The following TET2 variants were observed in gnomAD, a reference collection of about 807,000 sequenced individuals.
TET2 encodes the protein tet methylcytosine dioxygenase 2, also known as methylcytosine dioxygenase TET2.
A neutral mutation model predicts 142.9 loss-of-function variants in TET2; 299 were observed. That is an observed-to-expected ratio of 2.09 (90% confidence interval 1.90 to 2.30). TET2 has a LOEUF of 2.30. Ranked by LOEUF, TET2 falls within the 30% of genes most tolerant of loss-of-function variation. The probability of loss-of-function intolerance (pLI) is 0.00; values close to 1 mark genes in which losing one functional copy is unlikely to be tolerated. For synonymous variants in TET2, 819 were observed against 849.0 expected (o/e 0.96, Z 0.61); for missense variants, 2,418 against 2,378.0 (o/e 1.02, Z -0.35).
rs1560563568 is a variant in TET2 at position 105,259,695 on chromosome 4, T to A, written c.3880T>A (p.Tyr1294Asn). The A allele has an allele frequency of 6.4e-7, 1 of 1,551,232 alleles. No homozygotes were observed. Among genetic ancestry groups the A allele is most frequent in the Non-Finnish European group, 8.7e-7 (1 of 1,146,624 alleles). ...CTCTTTTGGTTGTTCATGGAGCATGTACTACAATGGATGTAAGTTTGCCAG... is the reference window on the plus strand; with the variant it reads ...CTCTTTTGGTTGTTCATGGAGCATGAACTACAATGGATGTAAGTTTGCCAG... ...SFSFGCSWSMYYNGCKFARSK... is the reference protein window; with the variant it reads ...SFSFGCSWSMNYNGCKFARSK... Residue 1294 changes from tyrosine to asparagine, a missense_variant, in exon 7 of 11, where the codon TAC becomes AAC. Tyr to Asn is a moderately radical substitution (Grantham distance 143). Coordinates refer to ENST00000380013, the MANE Select transcript of TET2 (RefSeq NM_001127208.3).
chr4:105,182,767 T>C lies in TET2; in HGVS notation c.-192-7593T>C, dbSNP rs1242887331. 7.2e-5 allele frequency among the ~76,000 whole-genome samples: 11 copies of C among 152,276 alleles called. No homozygotes were observed. The East Asian group carries it at 2.1e-3, about 29-fold the overall frequency. On this transcript the variant is annotated intron_variant, in intron 1 of 10. Transcript: ENST00000380013. Reference sequence around the variant, plus strand: ...ATCAAATGTCAGCAGCTTTATACTATAGTGTAAAATTTTATTTTGTAGTTT... The same window carrying C: ...ATCAAATGTCAGCAGCTTTATACTACAGTGTAAAATTTTATTTTGTAGTTT...
intron 1 of TET2, among the ~76,000 whole-genome samples, chr4:105,165,114 C>T (rs998778683): frequency 4.6e-5 from 7 of 152,116 alleles, no homozygotes; most frequent in African/African-American, 1.7e-4. Flanking sequence ...GTGGCTCAGA[C>T]CTGTAATTCC....
intron 2 of TET2, among the ~76,000 whole-genome samples, chr4:105,195,648 G>C (rs961479853): frequency 6.6e-6 from 1 of 152,102 alleles, no homozygotes; most frequent in African/African-American, 2.4e-5. Context: ...TTATTACACT[G>C]TATTGTTTAG....
At chr4:105,193,884 C>T (rs1418512313) in intron 2 of TET2, among the ~76,000 whole-genome samples, 2 of 152,094 alleles carry the variant, frequency 1.3e-5, no homozygotes, top group African/African-American at 4.8e-5. Flanking sequence ...CCGTGTAATA[C>T]TAACATAGTA....
rs1465596088 is a variant in TET2, at chr4:105,277,178, T to TATCA, written c.*660_*663dup. ...TAATGCCTTTATATCATCAAGATGC[T>TATCA]ATCAGTGTACTCCAGTGCCCTTGAA... On this transcript the variant is annotated 3_prime_UTR_variant, in exon 11 of 11. Coordinates refer to ENST00000380013, the MANE Select transcript of TET2 (RefSeq NM_001127208.3). The TATCA allele has an allele frequency of 8.7e-6, 2 of 230,094 alleles. No individual in the cohort carries two copies. The highest frequency in any genetic ancestry group is 4.4e-5 in the African/African-American group (2 of 45,198). The allele number at this position is 230,094 out of a possible 1,614,324, so 14.3% of individuals were successfully genotyped here.
Position 105,278,230 on chromosome 4 carries a change from A to G in TET2, c.*1711A>G, listed in dbSNP as rs1322259204. The G allele has an allele frequency of 5.8e-6, 1 of 173,020 alleles. No individual in the cohort carries two copies. Among genetic ancestry groups the G allele is most frequent in the Admixed American group, 6.7e-5 (1 of 14,926 alleles). 10.7% of individuals were successfully genotyped at this position (173,020 alleles called of 1,614,324 possible). A position where few individuals can be genotyped will look rare whatever the true frequency, so the allele number is the denominator to read the frequency against. ...AGTTTGAAGCAGAATTCACATCATG[A>G]TGGTGCTACTCAGCCTGCTACAAAT... On this transcript the variant is annotated 3_prime_UTR_variant, in exon 11 of 11. Coordinates refer to ENST00000380013, the MANE Select transcript of TET2 (RefSeq NM_001127208.3).
intron 8 of TET2, among the ~76,000 whole-genome samples, chr4:105,263,156 A>T (rs994447702): frequency 1.3e-5 from 2 of 152,204 alleles, no homozygotes; most frequent in Admixed American, 6.6e-5. Context: ...AAAAAAATTT[A>T]AAAACAAAAC....
chr4:105,150,921 C>T (rs538641476), intron 1 of TET2, among the ~76,000 whole-genome samples: 1 of 152,294 alleles, frequency 6.6e-6, no homozygotes, highest in African/African-American at 2.4e-5. Flanking sequence ...TCTGCTATTT[C>T]CAGCATTATT....
At chr4:105,242,279 T>G (rs1300716918) in intron 4 of TET2, 3 of 1,081,838 alleles carry the variant, frequency 2.8e-6, no homozygotes, top group Non-Finnish European at 3.4e-6. Context: ...TTTTTGTTGT[T>G]TTTTTGTTTT....
Position 105,261,813 on chromosome 4 carries a change from T to C in TET2, c.4009T>C (p.Tyr1337His). 2 of 1,549,396 alleles carry C rather than the reference T, an allele frequency of 1.3e-6. No homozygotes were observed. Among genetic ancestry groups the C allele is most frequent in the Non-Finnish European group, 1.7e-6 (2 of 1,145,556 alleles). ...CCTGTCCACTCTTATGGCACCAACATATAAGAAACTTGCACCTGATGCATA... is the reference window on the plus strand; with the variant it reads ...CCTGTCCACTCTTATGGCACCAACACATAAGAAACTTGCACCTGATGCATA... The part of the protein sequence containing the change: ...QNLSTLMAPT[Y>H]KKLAPDAYNN... Residue 1337 changes from tyrosine to histidine, a missense_variant, in exon 8 of 11, where the codon TAT becomes CAT. Tyr to His is a moderately conservative substitution (Grantham distance 83). Transcript: ENST00000380013.
chr4:105,236,909 A>AT lies in TET2; in HGVS notation c.2967_2968insT (p.His990SerfsTer19). ...TTAAGGTGGAACCTGGATGCAAGCC[A>AT]CATGCCTGTATGCACACAGCACCAC... On this transcript the variant is annotated frameshift_variant, in exon 3 of 11. Coordinates refer to ENST00000380013, the MANE Select transcript of TET2 (RefSeq NM_001127208.3). LOFTEE classifies it high-confidence loss of function. The AT allele has an allele frequency of 6.2e-7, 1 of 1,614,168 alleles. No individual in the cohort carries two copies. The highest frequency in any genetic ancestry group is 8.5e-7 in the Non-Finnish European group (1 of 1,180,026).
chr4:105,183,737 C>T (rs1725258726), intron 1 of TET2, among the ~76,000 whole-genome samples: 1 of 152,118 alleles, frequency 6.6e-6, no homozygotes, highest in South Asian at 2.1e-4. Flanking sequence ...AACCTAGCTC[C>T]CAATAGAATT....
intron 1 of TET2, among the ~76,000 whole-genome samples, chr4:105,188,847 G>A (rs1725616542): frequency 6.6e-6 from 1 of 152,100 alleles, no homozygotes; most frequent in Non-Finnish European, 1.5e-5. Flanking sequence ...CCAAGGCCCG[G>A]GGGAGGAATG....
At chr4:105,258,525 G>A (rs896448964) in intron 6 of TET2, among the ~76,000 whole-genome samples, 31 of 152,114 alleles carry the variant, frequency 2.0e-4, no homozygotes, top group South Asian at 4.1e-4. Context: ...TGCTATGGAG[G>A]TGTCATTACT....
chr4:105,218,426 C>A (rs1196695887), intron 2 of TET2, among the ~76,000 whole-genome samples: 1 of 152,042 alleles, frequency 6.6e-6, no homozygotes, highest in African/African-American at 2.4e-5. Context: ...CTATGCCATG[C>A]CGTTTCGTTC....
intron 2 of TET2, among the ~76,000 whole-genome samples, chr4:105,198,372 T>C (rs962542179): frequency 6.6e-6 from 1 of 152,122 alleles, no homozygotes; most frequent in South Asian, 2.1e-4. Flanking sequence ...CATAAATAAA[T>C]GCTTTTTGAT....
intron 1 of TET2, among the ~76,000 whole-genome samples, chr4:105,162,484 A>G (rs1450330456): frequency 2.0e-5 from 3 of 152,216 alleles, no homozygotes; most frequent in Non-Finnish European, 4.4e-5. Flanking sequence ...TTAAACTATC[A>G]TTATCACCTG....
At chr4:105,189,802 T>C (rs1042439895) in intron 1 of TET2, among the ~76,000 whole-genome samples, 17 of 152,250 alleles carry the variant, frequency 1.1e-4, no homozygotes, top group African/African-American at 3.6e-4. Flanking sequence ...CCACATGTTA[T>C]AATGTTTTAC....
chr4:105,260,984 T>C (rs961733566), intron 7 of TET2, among the ~76,000 whole-genome samples: 9 of 152,190 alleles, frequency 5.9e-5, no homozygotes, highest in Admixed American at 1.3e-4. Flanking sequence ...AAGTAACTTA[T>C]TGCCTCTGTT....
Sources: allele counts gnomAD v4.1 joint callset (sites outside exome capture counted in the v4.1 genomes callset), GRCh38; gene constraint gnomAD v4.1.1; transcripts MANE v1.5; gene names NCBI Gene and HGNC (gene_info 2026-07-23, HGNC 2026-07-21).